Variants in MAGI1 observed in about 807,000 individuals in gnomAD.
MAGI1 encodes membrane-associated guanylate kinase, WW and PDZ domain-containing protein 1.
In MAGI1, 58 loss-of-function variants were observed where a neutral mutation model predicts 139.9. The ratio of observed to expected loss-of-function variants is 0.41; its 90% CI spans 0.34 to 0.52. The LOEUF is 0.52. Ranked by LOEUF, MAGI1 falls within the 20% of genes least tolerant of loss-of-function variation. MAGI1 has a pLI of 0.12. For missense variants in MAGI1, 1,874 were observed against 1,901.6 expected, an observed-to-expected ratio of 0.99 and a Z score of 0.27; for synonymous variants, 812 against 737.9, an observed-to-expected ratio of 1.10 and a Z score of -1.63.
intron 15 of MAGI1, 112 bp downstream of exon 15, chr3:65,383,420 G>A (rs1286239607): frequency 8.0e-6 from 6 of 752,998 alleles, no homozygotes; most frequent in Non-Finnish European, 9.4e-6. Flanking sequence ...CAAGATTAAA[G>A]AGTCAGTGTT....
intron 22 of MAGI1, chr3:65,360,090 T>C (rs1940659206): frequency 1.0e-6 from 1 of 985,270 alleles, no homozygotes; most frequent in Admixed American, 6.2e-5. Flanking sequence ...TTTGCACCTG[T>C]ACAAATGTCG....
At chr3:65,746,810 CTCAG>C (rs145119014) in intron 1 of MAGI1, among the ~76,000 whole-genome samples, 4,533 of 152,236 alleles carry the variant, frequency 0.03, 80 homozygotes, top group Non-Finnish European at 0.045. Context: ...CAATCACTGA[CTCAG>C]TAAGTATATT....
intron 2 of MAGI1, among the ~76,000 whole-genome samples, chr3:65,557,277 C>A (rs1283570589): frequency 6.6e-6 from 1 of 152,212 alleles, no homozygotes; most frequent in East Asian, 1.9e-4. Context: ...CTGTCTTCCT[C>A]TTGGAGTATT....
intron 22 of MAGI1, chr3:65,360,075 C>A (rs974574683): frequency 2.0e-6 from 2 of 985,240 alleles, no homozygotes; most frequent in African/African-American, 3.5e-5. Flanking sequence ...TCGGACCCCT[C>A]GTATTTTGCA....
At chr3:65,867,552 T>G (rs1014892494) in intron 1 of MAGI1, among the ~76,000 whole-genome samples, 2 of 152,010 alleles carry the variant, frequency 1.3e-5, no homozygotes, top group Admixed American at 1.3e-4. Flanking sequence ...CTAGGCAACA[T>G]ATGGAGACCC....
chr3:66,004,312 G>A (rs1245026232), intron 1 of MAGI1, among the ~76,000 whole-genome samples: 1 of 152,168 alleles, frequency 6.6e-6, no homozygotes, highest in Non-Finnish European at 1.5e-5. Flanking sequence ...TGACTTGATG[G>A]CTAAAGGCTG....
intron 1 of MAGI1, among the ~76,000 whole-genome samples, chr3:65,840,242 G>GT (rs1007885999): frequency 3.3e-5 from 5 of 151,644 alleles, no homozygotes; most frequent in Admixed American, 1.3e-4. Context: ...TCCAGAGTAT[G>GT]TTTTTTATTT....
At chr3:65,743,410 G>A (rs958001884) in intron 1 of MAGI1, among the ~76,000 whole-genome samples, 1 of 152,020 alleles carries the variant, frequency 6.6e-6, no homozygotes, top group Admixed American at 6.6e-5. Flanking sequence ...ATCTCTGCCA[G>A]TATTTAAAAT....
intron 5 of MAGI1, among the ~76,000 whole-genome samples, chr3:65,466,830 C>G (rs531265494): frequency 1.4e-4 from 21 of 152,344 alleles, no homozygotes; most frequent in African/African-American, 4.8e-4. Flanking sequence ...CGCCACCCAG[C>G]AGGGAGGTTT....
intron 1 of MAGI1, among the ~76,000 whole-genome samples, chr3:65,737,464 A>T (rs1355849075): frequency 2.0e-5 from 3 of 152,242 alleles, no homozygotes; most frequent in African/African-American, 7.2e-5. Flanking sequence ...TAATTTATTC[A>T]CCAGGTATGC....
intron 2 of MAGI1, among the ~76,000 whole-genome samples, chr3:65,606,940 G>C (rs182576678): frequency 2.8e-4 from 42 of 152,228 alleles, no homozygotes; most frequent in Non-Finnish European, 1.3e-4. Context: ...TTATGGGTGT[G>C]AGCCACCACT....
At chr3:65,819,973 C>A (rs907309817) in intron 1 of MAGI1, among the ~76,000 whole-genome samples, 2 of 96,888 alleles carry the variant, frequency 2.1e-5, no homozygotes, top group Admixed American at 1.4e-4. Flanking sequence ...AATTATGTAT[C>A]TTTATATTAA....
chr3:65,439,770 A>C, intron 9 of MAGI1, 109 bp downstream of exon 9: 1 of 1,571,094 alleles, frequency 6.4e-7, no homozygotes, highest in Non-Finnish European at 8.6e-7. Flanking sequence ...CAGTGTGGCA[A>C]GAGAGGACTC....
At chr3:65,756,942 T>C (rs1275325455) in intron 1 of MAGI1, among the ~76,000 whole-genome samples, 1 of 152,168 alleles carries the variant, frequency 6.6e-6, no homozygotes, top group East Asian at 1.9e-4. Flanking sequence ...AATGCCAAAT[T>C]TGAAAGTATT....
intron 1 of MAGI1, chr3:65,843,953 T>C (rs1016599248): frequency 4.7e-6 from 1 of 211,790 alleles, no homozygotes; most frequent in African/African-American, 2.4e-5. Flanking sequence ...CAGGTTAAAA[T>C]TTTCATTTTC....
chr3:65,851,609 C>T (rs552416660), intron 1 of MAGI1, among the ~76,000 whole-genome samples: 4 of 152,116 alleles, frequency 2.6e-5, no homozygotes, highest in African/African-American at 9.6e-5. Context: ...ATTAGCCAGG[C>T]GTGGTGGCAT....
intron 1 of MAGI1, among the ~76,000 whole-genome samples, chr3:65,739,537 G>A (rs1014626290): frequency 1.3e-5 from 2 of 152,150 alleles, no homozygotes; most frequent in Non-Finnish European, 2.9e-5. Context: ...GCTTTCAGCC[G>A]CTCTCAGCTT....
At chr3:65,483,285 A>G (rs1160943518) in intron 3 of MAGI1, among the ~76,000 whole-genome samples, 1 of 152,164 alleles carries the variant, frequency 6.6e-6, no homozygotes, top group African/African-American at 2.4e-5. Context: ...TGCTTGCTCC[A>G]GTTTGCCACA....
intron 1 of MAGI1, among the ~76,000 whole-genome samples, chr3:65,862,390 C>T (rs925484283): frequency 6.6e-6 from 1 of 152,144 alleles, no homozygotes; most frequent in Non-Finnish European, 1.5e-5. Flanking sequence ...ATTACTCATG[C>T]CTTCCCCATG....
Sources: allele counts gnomAD v4.1 joint callset (sites outside exome capture counted in the v4.1 genomes callset), GRCh38; gene constraint gnomAD v4.1.1; transcripts MANE v1.5; gene names NCBI Gene and HGNC (gene_info 2026-07-23, HGNC 2026-07-21).